Variants in MBOAT1 observed in about 807,000 individuals in gnomAD.
MBOAT1 encodes the protein membrane-bound glycerophospholipid O-acyltransferase 1.
Under a neutral mutation model 64.4 loss-of-function variants are expected in MBOAT1, and 67 were observed. The observed-to-expected ratio is 1.04, with a 90% CI of 0.85 to 1.27. The LOEUF (loss-of-function observed/expected upper bound fraction) is 1.27. Among genes scored for constraint, MBOAT1 ranks in the 50% most tolerant of loss-of-function variants. MBOAT1 has a pLI of 0.00. For synonymous variants in MBOAT1, 229 were observed against 218.9 expected, an observed-to-expected ratio of 1.05 and a Z score of -0.41; for missense variants, 563 against 604.6, an observed-to-expected ratio of 0.93 and a Z score of 0.72.
chr6:20,208,719 C>G (rs1351131807), intron 1 of MBOAT1, among the ~76,000 whole-genome samples: 1 of 152,076 alleles, frequency 6.6e-6, no homozygotes, highest in Non-Finnish European at 1.5e-5. Flanking sequence ...TCAGAGAGTC[C>G]TAGTGTAACA....
intron 1 of MBOAT1, among the ~76,000 whole-genome samples, chr6:20,152,977 C>T (rs147417757): frequency 0.036 from 5,466 of 152,198 alleles, 109 homozygotes; most frequent in Middle Eastern, 0.075. Flanking sequence ...GGACTACAGG[C>T]GCCCGCCACC....
At chr6:20,204,809 C>T (rs1763216433) in intron 1 of MBOAT1, among the ~76,000 whole-genome samples, 1 of 152,218 alleles carries the variant, frequency 6.6e-6, no homozygotes, top group Non-Finnish European at 1.5e-5. Flanking sequence ...AGGAGCACGG[C>T]CTCCAGTGAC....
chr6:20,178,118 A>T (rs1762401932), intron 1 of MBOAT1, among the ~76,000 whole-genome samples: 1 of 152,144 alleles, frequency 6.6e-6, no homozygotes. Context: ...TTTATGTGTA[A>T]ACCCCTTAGC....
chr6:20,102,213 G>T lies in MBOAT1; in HGVS notation c.*73C>A. 1 of 1,511,358 alleles carries T rather than the reference G, an allele frequency of 6.6e-7. No homozygotes were observed. The allele number at this position is 1,511,358 out of a possible 1,614,324, so 93.6% of individuals were successfully genotyped here. A position where few individuals can be genotyped will look rare whatever the true frequency, so the allele number is the denominator to read the frequency against. ...AAACATCGCCTCTAAGCCACCGGAG[G>T]AGCCCTTGAAGCCTTGTCATCTCAT... is the stretch of plus-strand genomic sequence containing the variant. On this transcript the variant is annotated 3_prime_UTR_variant, in exon 13 of 13. Transcript: ENST00000324607.
At position 20,119,803 on chromosome 6, in the gene MBOAT1, C is replaced by A. The variant is rs80167365; in HGVS notation, c.908-1263G>T. On this transcript the variant is annotated intron_variant, in intron 8 of 12. Coordinates refer to ENST00000324607, the MANE Select transcript of MBOAT1 (RefSeq NM_001080480.3). ...GGTTTTAATTGTGTGGGAACTAATT[C>A]GTGAGTGACAGAGATCAATGACACT... Among the ~76,000 whole-genome samples, 1,026 of 152,216 alleles carry A rather than the reference C, an allele frequency of 6.7e-3. 13 individuals carry two copies. Among genetic ancestry groups the A allele is most frequent in the African/African-American group, 0.023 (962 of 41,530 alleles).
chr6:20,139,838 A>G (rs753533683), intron 4 of MBOAT1, among the ~76,000 whole-genome samples: 2 of 152,168 alleles, frequency 1.3e-5, no homozygotes, highest in African/African-American at 2.4e-5. Flanking sequence ...TACAAGCATG[A>G]GTCACCGTGC....
At chr6:20,110,270 C>T (rs1046906397) in intron 11 of MBOAT1, among the ~76,000 whole-genome samples, 1 of 146,992 alleles carries the variant, frequency 6.8e-6, no homozygotes, top group African/African-American at 2.5e-5. Flanking sequence ...TGAAGTGCAA[C>T]GATGCAATCA....
intron 1 of MBOAT1, among the ~76,000 whole-genome samples, chr6:20,205,649 C>T (rs916043088): frequency 1.3e-5 from 2 of 152,126 alleles, no homozygotes; most frequent in Non-Finnish European, 2.9e-5. Context: ...GGGACAGTCC[C>T]CAACTCCACC....
intron 12 of MBOAT1, among the ~76,000 whole-genome samples, chr6:20,105,370 T>C (rs1277073688): frequency 1.3e-5 from 2 of 152,254 alleles, no homozygotes; most frequent in African/African-American, 4.8e-5. Flanking sequence ...TAACATTTAT[T>C]GATCATGTCA....
chr6:20,206,183 T>A (rs1763260245), intron 1 of MBOAT1, among the ~76,000 whole-genome samples: 1 of 132,546 alleles, frequency 7.5e-6, no homozygotes, highest in Admixed American at 7.5e-5. Context: ...TTTCTTTTTC[T>A]TTTTTTTTGA....
intron 1 of MBOAT1, among the ~76,000 whole-genome samples, chr6:20,204,750 G>A (rs1248307433): frequency 6.6e-6 from 1 of 152,200 alleles, no homozygotes; most frequent in South Asian, 2.1e-4. Flanking sequence ...TCACTGTGCT[G>A]AAAGCACAGC....
At position 20,152,513 on chromosome 6, in the gene MBOAT1, T is replaced by C; in HGVS notation, c.245+111A>G. On this transcript the variant is annotated intron_variant, in intron 2 of 12. Coordinates refer to ENST00000324607, the MANE Select transcript of MBOAT1 (RefSeq NM_001080480.3). ...ATAAGGTATTTACAATATAAAATTT[T>C]ACAATACATATTTTATAATGCCATC... 3 of 1,135,530 alleles carry C rather than the reference T, an allele frequency of 2.6e-6. No homozygotes were observed. The East Asian group carries it at 7.9e-5, about 30-fold the overall frequency. 70.3% of individuals were successfully genotyped at this position (1,135,530 alleles called of 1,614,324 possible).
At chr6:20,201,500 G>A (rs768792941) in intron 1 of MBOAT1, among the ~76,000 whole-genome samples, 20 of 152,078 alleles carry the variant, frequency 1.3e-4, no homozygotes, top group Non-Finnish European at 2.8e-4. Context: ...AAGCAGGGGT[G>A]AGAGAGATGG....
chr6:20,128,822 C>G, intron 5 of MBOAT1, 69 bp from the exon 6 acceptor site: 1 of 1,078,748 alleles, frequency 9.3e-7, no homozygotes, highest in Non-Finnish European at 1.4e-6. Context: ...ATAAAAGGGT[C>G]TTATCAAAGT....
At chr6:20,162,766 TCTTGTACA>T (rs1285390473) in intron 1 of MBOAT1, among the ~76,000 whole-genome samples, 2 of 152,184 alleles carry the variant, frequency 1.3e-5, no homozygotes, top group African/African-American at 4.8e-5. Flanking sequence ...AAGATCTCAT[TCTTGTACA>T]AGGGAAAATT....
At chr6:20,204,272 G>A (rs1305188077) in intron 1 of MBOAT1, among the ~76,000 whole-genome samples, 1 of 152,176 alleles carries the variant, frequency 6.6e-6, no homozygotes, top group Non-Finnish European at 1.5e-5. Flanking sequence ...TCTGGCAGTG[G>A]TGTGTGCATT....
intron 1 of MBOAT1, among the ~76,000 whole-genome samples, chr6:20,211,583 G>A (rs1261143939): frequency 2.6e-5 from 4 of 152,152 alleles, no homozygotes; most frequent in Non-Finnish European, 4.4e-5. Context: ...CCAGGCATAT[G>A]AGCCAACCGA....
Position 20,102,151 on chromosome 6 carries a change from C to A in MBOAT1, c.*135G>T. 3 of 527,286 alleles carry A rather than the reference C, an allele frequency of 5.7e-6. No homozygotes were observed. The highest frequency in any genetic ancestry group is 3.4e-5 in the Admixed American group (1 of 29,474). The allele number at this position is 527,286 out of a possible 1,614,324, so 32.7% of individuals were successfully genotyped here. A position where few individuals can be genotyped will look rare whatever the true frequency, so the allele number is the denominator to read the frequency against. ...AAAAAAAAAAAAAAAAAAAATACTC[C>A]CTGCACTTTAAAAAAGAACAAAATA... is the stretch of plus-strand genomic sequence containing the variant. On this transcript the variant is annotated 3_prime_UTR_variant, in exon 13 of 13. Coordinates refer to ENST00000324607, the MANE Select transcript of MBOAT1 (RefSeq NM_001080480.3).
At chr6:20,146,191 G>T (rs1761320261) in intron 3 of MBOAT1, among the ~76,000 whole-genome samples, 1 of 152,106 alleles carries the variant, frequency 6.6e-6, no homozygotes, top group Non-Finnish European at 1.5e-5. Flanking sequence ...ATAAAACAGG[G>T]AAGAGGTATT....
Sources: gnomAD v4.1 joint callset for allele counts (sites outside exome capture counted in the v4.1 genomes callset) on GRCh38, gnomAD v4.1.1 for gene constraint, MANE v1.5 for transcripts, NCBI Gene and HGNC (gene_info 2026-07-23, HGNC 2026-07-21) for gene names.